The following ZMAT4 variants were observed in gnomAD, a reference collection of about 807,000 sequenced individuals.
ZMAT4 encodes zinc finger matrin-type protein 4.
A neutral mutation model predicts 28.7 loss-of-function variants in ZMAT4; 17 were observed. The observed-to-expected ratio is 0.59, with a 90% CI of 0.41 to 0.89. The LOEUF (loss-of-function observed/expected upper bound fraction) is 0.89, where lower values mean the gene tolerates loss of function less well. Among genes scored for constraint, ZMAT4 ranks in the 40% least tolerant of loss-of-function variants. The probability of loss-of-function intolerance (pLI) is 0.00; values close to 1 mark genes in which losing one functional copy is unlikely to be tolerated. For synonymous variants in ZMAT4, 117 were observed against 109.2 expected (o/e 1.07, Z -0.44); for missense variants, 240 against 283.8 (o/e 0.85, Z 1.11).
rs1382316938 is a variant in ZMAT4 at position 40,531,019 on chromosome 8, C to T, written c.*1204G>A. ...CACAAGAAGATGGATTGCCTATGGT[C>T]GTTAGGGACACAGGGCAGCCCCAGC... On this transcript the variant is annotated 3_prime_UTR_variant, in exon 7 of 7. Coordinates refer to ENST00000297737, the MANE Select transcript of ZMAT4 (RefSeq NM_024645.3). The T allele has an allele frequency of 6.6e-6, 1 of 152,640 alleles. No individual in the cohort carries two copies. The highest frequency in any genetic ancestry group is 6.5e-5 in the Admixed American group (1 of 15,272). 9.5% of individuals were successfully genotyped at this position (152,640 alleles called of 1,614,324 possible).
At chr8:40,553,109 C>A (rs923508188) in intron 6 of ZMAT4, among the ~76,000 whole-genome samples, 1 of 152,120 alleles carries the variant, frequency 6.6e-6, no homozygotes, top group Non-Finnish European at 1.5e-5. Context: ...CTTATTCTTT[C>A]TCTTGGACTG....
chr8:40,660,837 C>T (rs1308103175), intron 5 of ZMAT4, among the ~76,000 whole-genome samples: 4 of 152,174 alleles, frequency 2.6e-5, no homozygotes, highest in African/African-American at 9.7e-5. Context: ...TCTTTCTTTA[C>T]CTTATCTCTA....
chr8:40,605,093 TA>T (rs1432688733), intron 5 of ZMAT4, among the ~76,000 whole-genome samples: 15 of 152,196 alleles, frequency 9.9e-5, no homozygotes, highest in African/African-American at 3.6e-4. Flanking sequence ...TTAATCTCAC[TA>T]ATGCTTTATC....
intron 5 of ZMAT4, among the ~76,000 whole-genome samples, chr8:40,672,330 G>C (rs527399905): frequency 1.3e-4 from 20 of 152,242 alleles, no homozygotes; most frequent in African/African-American, 4.8e-4. Context: ...TGTGGCCTGT[G>C]TGTGTGTGTT....
intron 4 of ZMAT4, among the ~76,000 whole-genome samples, chr8:40,679,189 G>A (rs185629274): frequency 6.6e-6 from 1 of 152,176 alleles, no homozygotes; most frequent in African/African-American, 2.4e-5. Flanking sequence ...TGCAAGATTT[G>A]TCAAGGAGTA....
chr8:40,532,763 A>T (rs1156743117), intron 6 of ZMAT4, among the ~76,000 whole-genome samples: 2 of 152,112 alleles, frequency 1.3e-5, no homozygotes, highest in African/African-American at 4.8e-5. Flanking sequence ...TTTGGGAGGT[A>T]GAGGTGGGCA....
intron 1 of ZMAT4, among the ~76,000 whole-genome samples, chr8:40,845,796 A>AG (rs1554570156): frequency 2.5e-5 from 3 of 120,598 alleles, no homozygotes; most frequent in African/African-American, 5.6e-5. Context: ...AAAAAAAAAA[A>AG]AGAGAGAGAG....
At chr8:40,684,504 G>A (rs1417275101) in intron 4 of ZMAT4, among the ~76,000 whole-genome samples, 5 of 152,162 alleles carry the variant, frequency 3.3e-5, no homozygotes, top group Admixed American at 3.3e-4. Context: ...CAGGACTGGT[G>A]CACTGACACC....
chr8:40,649,992 A>C (rs1807555680), intron 5 of ZMAT4, among the ~76,000 whole-genome samples: 2 of 151,982 alleles, frequency 1.3e-5, no homozygotes, highest in African/African-American at 4.8e-5. Context: ...CAAAATTGAC[A>C]CCCTAACATC....
intron 5 of ZMAT4, among the ~76,000 whole-genome samples, chr8:40,619,741 C>G (rs1458014469): frequency 6.6e-6 from 1 of 152,160 alleles, no homozygotes; most frequent in East Asian, 1.9e-4. Context: ...AGCTATGCAC[C>G]ATGACATTTA....
At chr8:40,894,770 T>TTCC (rs1818813652) in intron 1 of ZMAT4, among the ~76,000 whole-genome samples, 1 of 146,682 alleles carries the variant, frequency 6.8e-6, no homozygotes, top group African/African-American at 2.6e-5. Flanking sequence ...AATTCACACA[T>TTCC]CCACAGAAAA....
intron 3 of ZMAT4, among the ~76,000 whole-genome samples, chr8:40,756,862 T>C (rs1254874896): frequency 6.6e-6 from 1 of 152,164 alleles, no homozygotes; most frequent in Non-Finnish European, 1.5e-5. Flanking sequence ...TTGATATACA[T>C]TGGTGATCTG....
At chr8:40,543,589 T>A (rs111581309) in intron 6 of ZMAT4, among the ~76,000 whole-genome samples, 27 of 152,294 alleles carry the variant, frequency 1.8e-4, no homozygotes, top group African/African-American at 6.3e-4. Context: ...GTCTAAATCA[T>A]GGAACCTAGA....
At chr8:40,578,716 T>C (rs768987225) in intron 6 of ZMAT4, among the ~76,000 whole-genome samples, 1 of 152,194 alleles carries the variant, frequency 6.6e-6, no homozygotes. Context: ...TGTAATTATT[T>C]TCTTCACAAA....
rs1480849557 is a variant in ZMAT4 at position 40,742,769 on chromosome 8, ACACACACACACAC to A, written c.192+24859_192+24871del. Among the ~76,000 whole-genome samples, 19 of 152,190 alleles carry A rather than the reference ACACACACACACAC, an allele frequency of 1.2e-4. No individual in the cohort carries two copies. In the Middle Eastern group the frequency reaches 0.01, roughly 82 times the overall value. ...CGCATGCACACACACACACACACAC[ACACACACACACAC>A]ACACACACACAAACAGCCGTCTCAA... is the stretch of plus-strand genomic sequence containing the variant. On this transcript the variant is annotated intron_variant, in intron 3 of 6. Coordinates refer to ENST00000297737, the MANE Select transcript of ZMAT4 (RefSeq NM_024645.3).
intron 1 of ZMAT4, among the ~76,000 whole-genome samples, chr8:40,842,352 T>C (rs1816734010): frequency 6.6e-6 from 1 of 152,238 alleles, no homozygotes; most frequent in African/African-American, 2.4e-5. Context: ...TTTCCAGAGC[T>C]TTTAAATCAA....
intron 1 of ZMAT4, among the ~76,000 whole-genome samples, chr8:40,889,224 G>A (rs781344794): frequency 7.7e-4 from 117 of 152,358 alleles, no homozygotes; most frequent in Non-Finnish European, 1.5e-3. Context: ...TCCCTGCACA[G>A]GGATCTTGCA....
chr8:40,686,523 A>C (rs189792067), intron 4 of ZMAT4, among the ~76,000 whole-genome samples: 393 of 152,054 alleles, frequency 2.6e-3, no homozygotes, highest in Non-Finnish European at 4.2e-3. Context: ...AGTCCCTGCT[A>C]CTCGGGAGTC....
Position 40,825,734 on chromosome 8 carries a change from C to A in ZMAT4, c.-4-54G>T, listed in dbSNP as rs994985102. On this transcript the variant is annotated intron_variant, in intron 1 of 6. Transcript: ENST00000297737. Reference sequence around the variant, plus strand: ...TGAGTCCACTGCTTTGATGTTTATGCAAGATATTAACCGTATGAAAAGCCA... The same window carrying A: ...TGAGTCCACTGCTTTGATGTTTATGAAAGATATTAACCGTATGAAAAGCCA... 6 of 1,403,972 alleles carry A rather than the reference C, an allele frequency of 4.3e-6. No homozygotes were observed. In the South Asian group the frequency reaches 6.3e-5, roughly 15 times the overall value. 87.0% of individuals were successfully genotyped at this position (1,403,972 alleles called of 1,614,324 possible).
Sources: allele counts gnomAD v4.1 joint callset (sites outside exome capture counted in the v4.1 genomes callset), GRCh38; gene constraint gnomAD v4.1.1; transcripts MANE v1.5; gene names NCBI Gene and HGNC (gene_info 2026-07-23, HGNC 2026-07-21).